Variants in GNB5 observed in about 807,000 individuals in gnomAD.
GNB5 encodes guanine nucleotide-binding protein subunit beta-5.
A neutral mutation model predicts 55.3 loss-of-function variants in GNB5; 37 were observed. The ratio of observed to expected loss-of-function variants is 0.67; its 90% CI spans 0.51 to 0.88. GNB5 has a LOEUF of 0.88. Ranked by LOEUF, GNB5 falls within the 40% of genes least tolerant of loss-of-function variation. The pLI, the probability that GNB5 is intolerant of heterozygous loss-of-function variation, is 0.00. For missense variants in GNB5, 476 were observed against 515.3 expected, an observed-to-expected ratio of 0.92 and a Z score of 0.74; for synonymous variants, 219 against 198.5, an observed-to-expected ratio of 1.10 and a Z score of -0.87.
intron 2 of GNB5, 35 bp downstream of exon 2, chr15:52,184,516 G>C: frequency 6.3e-7 from 1 of 1,596,702 alleles, no homozygotes; most frequent in Admixed American, 1.7e-5. Context: ...ACTGTTTTAA[G>C]ACAGATAACT....
chr15:52,123,589 C>T (rs1303676545), intron 12 of GNB5: 2 of 151,292 alleles, frequency 1.3e-5, no homozygotes, highest in African/African-American at 4.9e-5. Context: ...GTTGCCCAGC[C>T]TGGAGTGCAG....
intron 1 of GNB5, among the ~76,000 whole-genome samples, chr15:52,186,168 T>C (rs75814356): frequency 0.049 from 7,501 of 152,294 alleles, 239 homozygotes; most frequent in African/African-American, 0.087. Flanking sequence ...CACCCTGTAG[T>C]GTAACAATGT....
intron 6 of GNB5, among the ~76,000 whole-genome samples, chr15:52,142,345 G>A (rs1168461066): frequency 6.6e-6 from 1 of 152,184 alleles, no homozygotes; most frequent in African/African-American, 2.4e-5. Context: ...GCTTGAATCA[G>A]ATATTACTTT....
At chr15:52,130,431 CTTAA>C (rs2141187937) in intron 9 of GNB5, among the ~76,000 whole-genome samples, 1 of 152,322 alleles carries the variant, frequency 6.6e-6, no homozygotes, top group African/African-American at 2.4e-5. Context: ...CATAAAATAA[CTTAA>C]TTGAAACTGC....
At chr15:52,154,312 C>T (rs1257640839) in intron 3 of GNB5, among the ~76,000 whole-genome samples, 1 of 152,216 alleles carries the variant, frequency 6.6e-6, no homozygotes. Context: ...TAAGACCCTA[C>T]ATTTTTCAAA....
chr15:52,133,563 C>A (rs1159166741), intron 8 of GNB5, 94 bp from the exon 9 acceptor site: 11 of 799,370 alleles, frequency 1.4e-5, no homozygotes, highest in Non-Finnish European at 2.4e-5. Flanking sequence ...CCATTTATTT[C>A]CCATTAGCAA....
At chr15:52,152,356 C>T (rs2141213299) in intron 4 of GNB5, among the ~76,000 whole-genome samples, 1 of 151,796 alleles carries the variant, frequency 6.6e-6, no homozygotes, top group African/African-American at 2.4e-5. Flanking sequence ...AACAGTCTCG[C>T]CCTGTTGCCT....
In GNB5 at chr15:52,120,625, A is replaced by C. The variant is rs1346268273; in HGVS notation, c.*2132T>G. ...AGCCGGAAGGCACAGTGCAGAGACAAAAAAAAAAATGGCTGTGGGAGAGAG... is the reference window on the plus strand; with the variant it reads ...AGCCGGAAGGCACAGTGCAGAGACACAAAAAAAAATGGCTGTGGGAGAGAG... On this transcript the variant is annotated 3_prime_UTR_variant, in exon 13 of 13. Coordinates refer to ENST00000261837, the MANE Select transcript of GNB5 (RefSeq NM_016194.4). 6.7e-6 allele frequency: 1 copy of C among 149,810 alleles called. No individual in the cohort carries two copies. The highest frequency in any genetic ancestry group is 2.4e-5 in the African/African-American group (1 of 40,958). 9.3% of individuals were successfully genotyped at this position (149,810 alleles called of 1,614,324 possible). A position where few individuals can be genotyped will look rare whatever the true frequency, so the allele number is the denominator to read the frequency against.
At chr15:52,156,537 G>A (rs903637505) in intron 3 of GNB5, among the ~76,000 whole-genome samples, 3 of 152,226 alleles carry the variant, frequency 2.0e-5, no homozygotes, top group African/African-American at 7.2e-5. Context: ...TCTGAGATCA[G>A]CCTGGGCAAC....
intron 2 of GNB5, among the ~76,000 whole-genome samples, chr15:52,184,343 A>G (rs992046037): frequency 6.6e-6 from 1 of 152,204 alleles, no homozygotes; most frequent in African/African-American, 2.4e-5. Flanking sequence ...TTGCACACCA[A>G]TAACTAGGAA....
intron 4 of GNB5, among the ~76,000 whole-genome samples, chr15:52,153,025 A>C (rs944992103): frequency 6.6e-6 from 1 of 152,244 alleles, no homozygotes; most frequent in Non-Finnish European, 1.5e-5. Context: ...CCAGACTCCA[A>C]GTGAGTCCCA....
At chr15:52,129,981 G>A (rs1005440404) in intron 9 of GNB5, among the ~76,000 whole-genome samples, 3 of 152,232 alleles carry the variant, frequency 2.0e-5, no homozygotes, top group Admixed American at 2.0e-4. Context: ...GTAGCCAGAT[G>A]TGGCCATGTG....
At chr15:52,185,472 C>A (rs561954351) in intron 1 of GNB5, among the ~76,000 whole-genome samples, 32 of 152,200 alleles carry the variant, frequency 2.1e-4, no homozygotes, top group African/African-American at 7.7e-4. Context: ...AGTGTGCCAG[C>A]GAGGTCATGC....
At chr15:52,132,636 A>ATTTTTTTTTTTTTTTTTTTTTTTTTTT (rs1216272462) in intron 9 of GNB5, among the ~76,000 whole-genome samples, 3 of 134,802 alleles carry the variant, frequency 2.2e-5, no homozygotes, top group Non-Finnish European at 1.6e-5. Flanking sequence ...TGCCCTGCTA[A>ATTTTTTTTTTTTTTTTTTTTTTTTTTT]TTTTTTTTTT....
In GNB5 at chr15:52,141,187, G is replaced by A. The variant is rs767668513; in HGVS notation, c.580C>T (p.His194Tyr). ...MAAKKKSVAM[H>Y]TNYLSACSFT... ...CTGCAGGCCGACAGGTAGTTGGTGTGCATAGCAACAGACTTCTTTTTGGCA... is the reference window on the plus strand; with the variant it reads ...CTGCAGGCCGACAGGTAGTTGGTGTACATAGCAACAGACTTCTTTTTGGCA... The change falls in exon 7 of 13, where the codon CAC (histidine) becomes TAC (tyrosine). Residue 194 changes from histidine (H) to tyrosine (Y), a missense_variant. By Grantham distance (83) the His-to-Tyr change is moderately conservative. Coordinates refer to ENST00000261837, the MANE Select transcript of GNB5 (RefSeq NM_016194.4). 5 of 1,613,996 alleles carry A rather than the reference G, an allele frequency of 3.1e-6. No individual in the cohort carries two copies. In the Admixed American group the frequency reaches 6.7e-5, roughly 22 times the overall value.
In GNB5 at chr15:52,117,348, G is replaced by C. The variant is rs1006603514; in HGVS notation, c.*5409C>G. On this transcript the variant is annotated 3_prime_UTR_variant, in exon 13 of 13. Coordinates refer to ENST00000261837, the MANE Select transcript of GNB5 (RefSeq NM_016194.4). The stretch of plus-strand genomic sequence containing the variant: ...TAGCGAGCCTGTCTTTGTTATTTAG[G>C]TTGACAGGAACATTCAAAATTCTCT... 2.6e-5 allele frequency: 4 copies of C among 151,770 alleles called. No homozygotes were observed. Among genetic ancestry groups the C allele is most frequent in the African/African-American group, 4.8e-5 (2 of 41,258 alleles). 9.4% of individuals were successfully genotyped at this position (151,770 alleles called of 1,614,324 possible).
At chr15:52,126,567 T>G (rs1426218606) in intron 10 of GNB5, among the ~76,000 whole-genome samples, 1 of 152,294 alleles carries the variant, frequency 6.6e-6, no homozygotes, top group Admixed American at 6.5e-5. Flanking sequence ...AAAAACATTA[T>G]GTACATAGTT....
At chr15:52,166,396 T>C (rs2034451870) in intron 3 of GNB5, among the ~76,000 whole-genome samples, 1 of 152,186 alleles carries the variant, frequency 6.6e-6, no homozygotes, top group Non-Finnish European at 1.5e-5. Flanking sequence ...ATTCTTCTCA[T>C]CACCACATGC....
chr15:52,155,984 C>T (rs911876984), intron 3 of GNB5, among the ~76,000 whole-genome samples: 1 of 152,176 alleles, frequency 6.6e-6, no homozygotes, highest in East Asian at 1.9e-4. Context: ...ATGATTCTGG[C>T]CTGAATGAGT....
Sources: gnomAD v4.1 joint callset for allele counts (sites outside exome capture counted in the v4.1 genomes callset) on GRCh38, gnomAD v4.1.1 for gene constraint, MANE v1.5 for transcripts, NCBI Gene and HGNC (gene_info 2026-07-23, HGNC 2026-07-21) for gene names.